The following TES variants were observed in gnomAD, a reference collection of about 807,000 sequenced individuals.
TES encodes the protein testin LIM domain protein.
TES carries 41 observed loss-of-function variants against 48.2 expected under a neutral mutation model. That is an observed-to-expected ratio of 0.85 (90% CI 0.66 to 1.10). The LOEUF is 1.10. Ranked by LOEUF, TES falls within the 50% of genes least tolerant of loss-of-function variation. The probability of loss-of-function intolerance (pLI) is 0.00; values close to 1 mark genes in which losing one functional copy is unlikely to be tolerated. For missense variants in TES, 463 were observed against 515.1 expected (o/e 0.90, Z 0.98); for synonymous variants, 162 against 174.9 (o/e 0.93, Z 0.58).
intron 1 of TES, among the ~76,000 whole-genome samples, chr7:116,229,856 C>T (rs187653060): frequency 3.9e-5 from 6 of 152,218 alleles, no homozygotes; most frequent in Admixed American, 3.9e-4. Flanking sequence ...GTGTGAATCA[C>T]GTATCTTCTT....
intron 1 of TES, among the ~76,000 whole-genome samples, chr7:116,224,990 C>T (rs1217831492): frequency 2.0e-5 from 3 of 152,004 alleles, no homozygotes; most frequent in African/African-American, 7.3e-5. Flanking sequence ...TTCTCCAAGT[C>T]TCAATTTCCT....
rs145112844 is a variant in TES, at chr7:116,220,516, G to A, written c.27+9782G>A. Among the ~76,000 whole-genome samples, 640 of 152,252 alleles carry A rather than the reference G, an allele frequency of 4.2e-3. 8 individuals are homozygous for A. The highest frequency in any genetic ancestry group is 6.0e-3 in the Non-Finnish European group (408 of 67,990). ...CTCCTTGGTTTCAGAGATCTAATCT[G>A]CAAAACATGGATAGTACTTCTTTAT... On this transcript the variant is annotated intron_variant, in intron 1 of 6. Coordinates refer to ENST00000358204, the MANE Select transcript of TES (RefSeq NM_015641.4).
At chr7:116,243,294 C>T (rs1458627870) in intron 2 of TES, among the ~76,000 whole-genome samples, 1 of 152,132 alleles carries the variant, frequency 6.6e-6, no homozygotes. Context: ...ACACTCAGAT[C>T]GCCACTCTTA....
At chr7:116,242,533 C>CTG (rs1246769496) in intron 2 of TES, among the ~76,000 whole-genome samples, 3 of 73,930 alleles carry the variant, frequency 4.1e-5, no homozygotes, top group Admixed American at 2.5e-4. Flanking sequence ...CTCTCTCTCT[C>CTG]TCTCTGTCTC....
rs1584627844 is a variant in TES at position 116,249,540 on chromosome 7, A to G, written c.366+268A>G. 7 of 389,834 alleles carry G rather than the reference A, an allele frequency of 1.8e-5. No individual in the cohort carries two copies. The East Asian group carries it at 2.6e-4, about 14-fold the overall frequency. 24.1% of individuals were successfully genotyped at this position (389,834 alleles called of 1,614,324 possible). A position where few individuals can be genotyped will look rare whatever the true frequency, so the allele number is the denominator to read the frequency against. The stretch of plus-strand genomic sequence containing the variant: ...ATTAGATGGAAATCAGATGTTTTAT[A>G]TCAATCTAGTAACTCTTCTAGCTTA... On this transcript the variant is annotated intron_variant, in intron 3 of 6. Coordinates refer to ENST00000358204, the MANE Select transcript of TES (RefSeq NM_015641.4).
At chr7:116,222,972 C>T (rs762600786) in intron 1 of TES, 7 of 984,854 alleles carry the variant, frequency 7.1e-6, no homozygotes, top group Non-Finnish European at 8.4e-6. Flanking sequence ...CTCAAAGTAA[C>T]GGATTCAGGA....
chr7:116,222,263 GA>G (rs1362701941), intron 1 of TES, among the ~76,000 whole-genome samples: 1 of 152,098 alleles, frequency 6.6e-6, no homozygotes, highest in Non-Finnish European at 1.5e-5. Flanking sequence ...GGGCAAAAGA[GA>G]AAAACGAGAA....
intron 1 of TES, among the ~76,000 whole-genome samples, chr7:116,219,397 AACTGTGATGATTATTTAAT>A (rs1799530301): frequency 6.6e-6 from 1 of 152,150 alleles, no homozygotes; most frequent in African/African-American, 2.4e-5. Flanking sequence ...GATCTCCCTT[AACTGTGATGATTATTTAAT>A]ACATTGTGTC....
chr7:116,239,351 G>A (rs1301572505), intron 2 of TES: 1 of 152,170 alleles, frequency 6.6e-6, no homozygotes, highest in Non-Finnish European at 1.5e-5. Flanking sequence ...ACATAATCAT[G>A]AAAGTAACAC....
intron 2 of TES, among the ~76,000 whole-genome samples, chr7:116,240,591 C>T (rs564542985): frequency 2.3e-4 from 35 of 152,086 alleles, no homozygotes; most frequent in African/African-American, 6.0e-4. Flanking sequence ...TCCTCCATCC[C>T]CACACCTTAG....
intron 2 of TES, among the ~76,000 whole-genome samples, chr7:116,236,006 G>A (rs184411677): frequency 6.6e-6 from 1 of 152,244 alleles, no homozygotes; most frequent in Admixed American, 6.5e-5. Flanking sequence ...GGGAGCTAAA[G>A]TTTTCCAGAA....
chr7:116,222,971 A>G, intron 1 of TES: 2 of 985,170 alleles, frequency 2.0e-6, no homozygotes, highest in Non-Finnish European at 2.4e-6. Flanking sequence ...TCTCAAAGTA[A>G]CGGATTCAGG....
intron 6 of TES, 192 bp downstream of exon 6, chr7:116,252,668 G>T: frequency 1.5e-6 from 1 of 687,326 alleles, no homozygotes; most frequent in South Asian, 1.7e-5. Flanking sequence ...GCCACCTCAA[G>T]ATTTCTACTT....
chr7:116,216,813 G>A (rs576967331), intron 1 of TES, among the ~76,000 whole-genome samples: 95 of 152,158 alleles, frequency 6.2e-4, no homozygotes, highest in African/African-American at 2.0e-3. Flanking sequence ...GGCTGTAATA[G>A]TGTGGGTCCC....
At chr7:116,210,904 T>A in intron 1 of TES, 170 bp downstream of exon 1, 1 of 483,528 alleles carries the variant, frequency 2.1e-6, no homozygotes. Context: ...GTAGAGGAGG[T>A]GCTCGGCGGC....
rs918773347 is a variant in TES at position 116,210,639 on chromosome 7, C to T, written c.-69C>T. ...AGGTTTCCCGTGTTCGCAGCGGAGC[C>T]GGAGGCCAGCTGAACCCGGCCGTGG... On this transcript the variant is annotated 5_prime_UTR_variant, in exon 1 of 7. Coordinates refer to ENST00000358204, the MANE Select transcript of TES (RefSeq NM_015641.4). The T allele has an allele frequency of 2.3e-6, 3 of 1,290,162 alleles. No individual in the cohort carries two copies. Among genetic ancestry groups the T allele is most frequent in the Non-Finnish European group, 2.0e-6 (2 of 1,006,184 alleles). 79.9% of individuals were successfully genotyped at this position (1,290,162 alleles called of 1,614,324 possible).
At position 116,210,748 on chromosome 7, in the gene TES, C is replaced by G. The variant is rs373808073; in HGVS notation, c.27+14C>G. 5 of 1,240,856 alleles carry G rather than the reference C, an allele frequency of 4.0e-6. No homozygotes were observed. The highest frequency in any genetic ancestry group is 5.1e-6 in the Non-Finnish European group (5 of 982,412). The allele number at this position is 1,240,856 out of a possible 1,614,324, so 76.9% of individuals were successfully genotyped here. A position where few individuals can be genotyped will look rare whatever the true frequency, so the allele number is the denominator to read the frequency against. ...AAAGTGAAGAAGGTAGGGGGGCGCT[C>G]GTGGCGGGCGGCGGCTGCTTCACCT... On this transcript the variant is annotated intron_variant, in intron 1 of 6. Transcript: ENST00000358204.
chr7:116,256,910 T>G (rs528016159), intron 6 of TES, among the ~76,000 whole-genome samples: 6 of 152,358 alleles, frequency 3.9e-5, no homozygotes, highest in Non-Finnish European at 8.8e-5. Context: ...CAGGTAAAAT[T>G]ACCACTTCAA....
intron 1 of TES, among the ~76,000 whole-genome samples, chr7:116,211,746 C>T (rs1455548163): frequency 6.6e-6 from 1 of 152,208 alleles, no homozygotes; most frequent in African/African-American, 2.4e-5. Flanking sequence ...AATATTTTAT[C>T]TTCTAAACAC....
Sources: allele counts gnomAD v4.1 joint callset (sites outside exome capture counted in the v4.1 genomes callset), GRCh38; gene constraint gnomAD v4.1.1; transcripts MANE v1.5; gene names NCBI Gene and HGNC (gene_info 2026-07-23, HGNC 2026-07-21).